The following AGBL4 variants were observed in gnomAD, a reference collection of about 807,000 sequenced individuals.
AGBL4 encodes AGBL carboxypeptidase 4, also known as cytosolic carboxypeptidase 6.
AGBL4 carries 58 observed loss-of-function variants against 66.4 expected under a neutral mutation model. The observed-to-expected ratio is 0.87, with a 90% CI of 0.71 to 1.09. The LOEUF (loss-of-function observed/expected upper bound fraction) is 1.09. Ranked by LOEUF, AGBL4 falls within the 50% of genes least tolerant of loss-of-function variation. The pLI is 0.00. For missense variants in AGBL4, 579 were observed against 631.0 expected, an observed-to-expected ratio of 0.92 and a Z score of 0.88; for synonymous variants, 234 against 222.9, an observed-to-expected ratio of 1.05 and a Z score of -0.44.
chr1:49,778,098 T>C (rs1644243483), intron 2 of AGBL4, among the ~76,000 whole-genome samples: 1 of 152,134 alleles, frequency 6.6e-6, no homozygotes, highest in African/African-American at 2.4e-5. Flanking sequence ...CAAGTACATC[T>C]GAGATAATTG....
intron 6 of AGBL4, among the ~76,000 whole-genome samples, chr1:48,735,998 G>C (rs759437812): frequency 3.3e-5 from 5 of 152,118 alleles, no homozygotes; most frequent in Non-Finnish European, 7.4e-5. Flanking sequence ...CACACCATCT[G>C]TCCCTTTCTC....
intron 1 of AGBL4, among the ~76,000 whole-genome samples, chr1:50,001,288 G>C (rs1411992535): frequency 6.6e-6 from 1 of 151,044 alleles, no homozygotes; most frequent in East Asian, 1.9e-4. Flanking sequence ...GGAGTAAGTA[G>C]ACTAAGTAAA....
chr1:49,209,170 T>C (rs565850065), intron 4 of AGBL4, among the ~76,000 whole-genome samples: 27 of 152,270 alleles, frequency 1.8e-4, no homozygotes, highest in Admixed American at 1.5e-3. Context: ...TAATTACTGA[T>C]CTCTAACTTG....
At chr1:49,147,849 C>T (rs1290033233) in intron 4 of AGBL4, among the ~76,000 whole-genome samples, 2 of 151,914 alleles carry the variant, frequency 1.3e-5, no homozygotes, top group East Asian at 1.9e-4. Flanking sequence ...GGTGACAAAG[C>T]CCTGTGGCCA....
At chr1:49,724,148 AT>A (rs1322438092) in intron 2 of AGBL4, among the ~76,000 whole-genome samples, 1 of 152,146 alleles carries the variant, frequency 6.6e-6, no homozygotes, top group Non-Finnish European at 1.5e-5. Context: ...GAAAAGGGGT[AT>A]TGGATGATAT....
At chr1:49,020,611 G>A (rs1453401084) in intron 5 of AGBL4, among the ~76,000 whole-genome samples, 1 of 152,128 alleles carries the variant, frequency 6.6e-6, no homozygotes, top group Non-Finnish European at 1.5e-5. Flanking sequence ...CCTGGAGGAG[G>A]AGGGCTTCCT....
At position 49,263,251 on chromosome 1, in the gene AGBL4, C is replaced by T. The variant is rs547174717; in HGVS notation, c.283-17387G>A. Among the ~76,000 whole-genome samples the T allele has an allele frequency of 7.7e-5, 9 of 116,134 alleles. 1 individual carries two copies. In the South Asian group the frequency reaches 2.1e-3, roughly 27 times the overall value. The allele number at this position is 116,134 out of a possible 152,430, so 76.2% of individuals were successfully genotyped here. ...AGCACACCAGCATGGCACATGTATA[C>T]ATATGTAACTAACCTGCACATTGTG... On this transcript the variant is annotated intron_variant, in intron 3 of 13. Coordinates refer to ENST00000371839, the MANE Select transcript of AGBL4 (RefSeq NM_032785.4).
At chr1:48,958,945 T>C (rs1201137303) in intron 5 of AGBL4, among the ~76,000 whole-genome samples, 1 of 152,266 alleles carries the variant, frequency 6.6e-6, no homozygotes, top group Non-Finnish European at 1.5e-5. Context: ...TTTACTCATC[T>C]GTTCATATGT....
At chr1:48,852,090 A>G (rs1178049364) in intron 6 of AGBL4, among the ~76,000 whole-genome samples, 2 of 144,764 alleles carry the variant, frequency 1.4e-5, no homozygotes, top group Non-Finnish European at 1.5e-5. Flanking sequence ...TATGAAGTCA[A>G]TATTATTAGT....
At chr1:49,428,185 T>C (rs1370417918) in intron 3 of AGBL4, among the ~76,000 whole-genome samples, 1 of 152,216 alleles carries the variant, frequency 6.6e-6, no homozygotes, top group Non-Finnish European at 1.5e-5. Flanking sequence ...ACTAACTTTT[T>C]TTCCACATAA....
intron 1 of AGBL4, among the ~76,000 whole-genome samples, chr1:49,856,576 C>T (rs1449336444): frequency 6.6e-6 from 1 of 151,954 alleles, no homozygotes; most frequent in Admixed American, 6.6e-5. Context: ...GTTCAACATA[C>T]AAAAATCAAT....
At chr1:49,233,300 T>C (rs1650469805) in intron 4 of AGBL4, among the ~76,000 whole-genome samples, 1 of 152,348 alleles carries the variant, frequency 6.6e-6, no homozygotes, top group East Asian at 1.9e-4. Flanking sequence ...GATTTAATTA[T>C]CATGCTTAAA....
chr1:49,730,639 C>T (rs927491803), intron 2 of AGBL4, among the ~76,000 whole-genome samples: 1 of 152,076 alleles, frequency 6.6e-6, no homozygotes, highest in Non-Finnish European at 1.5e-5. Flanking sequence ...ATGCTGGCAC[C>T]CAAGATGGAA....
intron 6 of AGBL4, among the ~76,000 whole-genome samples, chr1:48,724,704 A>G (rs1647204429): frequency 6.6e-6 from 1 of 152,246 alleles, no homozygotes; most frequent in Admixed American, 6.5e-5. Context: ...TAATTTCTAT[A>G]AAGTAGTTTT....
chr1:49,498,996 C>T (rs1647876076), intron 3 of AGBL4, among the ~76,000 whole-genome samples: 1 of 151,984 alleles, frequency 6.6e-6, no homozygotes, highest in Non-Finnish European at 1.5e-5. Flanking sequence ...CTATGTTCAT[C>T]GAGGATATTG....
At chr1:48,647,015 G>A (rs1483287198) in intron 8 of AGBL4, among the ~76,000 whole-genome samples, 1 of 152,140 alleles carries the variant, frequency 6.6e-6, no homozygotes, top group Non-Finnish European at 1.5e-5. Flanking sequence ...ATTTCCTTCT[G>A]CTTCCCCAAG....
chr1:48,842,813 G>T (rs1297872707), intron 6 of AGBL4, among the ~76,000 whole-genome samples: 1 of 152,038 alleles, frequency 6.6e-6, no homozygotes, highest in Non-Finnish European at 1.5e-5. Context: ...TTGGTGTACA[G>T]ATATAATGAA....
intron 8 of AGBL4, among the ~76,000 whole-genome samples, chr1:48,651,798 A>T (rs2148440137): frequency 6.6e-6 from 1 of 152,310 alleles, no homozygotes; most frequent in East Asian, 1.9e-4. Context: ...CTGTCAGGAG[A>T]TCTGGTTCCA....
chr1:48,587,360 G>A (rs1644839385), intron 10 of AGBL4, among the ~76,000 whole-genome samples, 194 bp from the exon 11 acceptor site: 1 of 152,134 alleles, frequency 6.6e-6, no homozygotes, highest in Non-Finnish European at 1.5e-5. Flanking sequence ...TTCTTGAGGT[G>A]CAGTAACTGC....
Sources: allele counts gnomAD v4.1 joint callset (sites outside exome capture counted in the v4.1 genomes callset), GRCh38; gene constraint gnomAD v4.1.1; transcripts MANE v1.5; gene names NCBI Gene and HGNC (gene_info 2026-07-23, HGNC 2026-07-21).